The following DDX31 variants were observed in gnomAD, a reference collection of about 807,000 sequenced individuals.
The protein encoded by DDX31 is ATP-dependent DNA helicase DDX31.
In DDX31, 70 loss-of-function variants were observed where a neutral mutation model predicts 91.3. The observed-to-expected ratio is 0.77, with a 90% CI of 0.63 to 0.94. DDX31 has a LOEUF of 0.94. Among genes scored for constraint, DDX31 ranks in the 40% least tolerant of loss-of-function variants. The pLI is 0.00. For missense variants in DDX31, 902 were observed against 925.0 expected (o/e 0.98, Z 0.32); for synonymous variants, 362 against 350.6 (o/e 1.03, Z -0.36).
chr9:132,612,443 A>C, intron 18 of DDX31, 188 bp from the exon 19 acceptor site: 1 of 629,852 alleles, frequency 1.6e-6, no homozygotes, highest in East Asian at 3.0e-5. Flanking sequence ...TAAACAACAA[A>C]AAGAAAAAAA....
intron 17 of DDX31, among the ~76,000 whole-genome samples, chr9:132,625,087 T>G (rs1274887917): frequency 6.6e-6 from 1 of 152,086 alleles, no homozygotes; most frequent in Non-Finnish European, 1.5e-5. Context: ...TCTAGTCGGG[T>G]GCAGCCTTAA....
At chr9:132,625,804 T>C (rs910316945) in intron 16 of DDX31, 59 bp from the exon 17 acceptor site, 2 of 1,344,728 alleles carry the variant, frequency 1.5e-6, no homozygotes, top group African/African-American at 1.5e-5. Context: ...ACCCAAGACC[T>C]TGATGCACAA....
intron 17 of DDX31, among the ~76,000 whole-genome samples, chr9:132,619,507 T>G (rs1459233374): frequency 6.6e-6 from 1 of 152,198 alleles, no homozygotes; most frequent in Non-Finnish European, 1.5e-5. Flanking sequence ...CTTTCACCTT[T>G]AAGGCTGACA....
At chr9:132,619,649 GACAGTCTCGCTGATTTCACAGTTCAAT>G (rs1831882538) in intron 17 of DDX31, among the ~76,000 whole-genome samples, 1 of 152,192 alleles carries the variant, frequency 6.6e-6, no homozygotes, top group Admixed American at 6.5e-5. Flanking sequence ...TTTGGTTGAT[GACAGTCTCGCTGATTTCACAGTTCAAT>G]ACAAGGTCCC....
intron 19 of DDX31, among the ~76,000 whole-genome samples, chr9:132,601,187 A>G (rs1830701568): frequency 6.6e-6 from 1 of 152,176 alleles, no homozygotes; most frequent in South Asian, 2.1e-4. Flanking sequence ...AGGCATGTCT[A>G]CCACATCTGC....
At position 132,648,244 on chromosome 9, in the gene DDX31, T is replaced by G; in HGVS notation, c.912A>C (p.Val304=). 6.2e-7 allele frequency: 1 copy of G among 1,614,124 alleles called. No homozygotes were observed. Among genetic ancestry groups the G allele is most frequent in the Non-Finnish European group, 8.5e-7 (1 of 1,180,024 alleles). ...TCTGTCGTTTTTGGCATTCAGCATT[T>G]ACAGCATTAAGTATCACTGTGATGT... ...EKDITVILNA[V]NAECQKRQNV... The change falls in exon 11 of 20, where the codon GTA becomes GTC. Residue 304 remains valine (V), a synonymous_variant. Coordinates refer to ENST00000372159, the MANE Select transcript of DDX31 (RefSeq NM_022779.9).
intron 17 of DDX31, among the ~76,000 whole-genome samples, chr9:132,624,076 A>G (rs1175049777): frequency 1.3e-5 from 2 of 151,020 alleles, no homozygotes; most frequent in African/African-American, 4.9e-5. Context: ...CTGAGGCAGA[A>G]GAATCACTCG....
At chr9:132,646,776 C>T in intron 12 of DDX31, 47 bp downstream of exon 12, 1 of 1,572,092 alleles carries the variant, frequency 6.4e-7, no homozygotes, top group South Asian at 1.1e-5. Context: ...CACAAGAAAG[C>T]AGGCCTTTCT....
At chr9:132,604,299 C>T (rs1455104183) in intron 19 of DDX31, among the ~76,000 whole-genome samples, 8 of 152,148 alleles carry the variant, frequency 5.3e-5, no homozygotes, top group African/African-American at 9.7e-5. Context: ...AGTAGTGCTC[C>T]GATCTCTTGC....
intron 14 of DDX31, among the ~76,000 whole-genome samples, chr9:132,637,271 T>C (rs1833180324): frequency 6.6e-6 from 1 of 152,162 alleles, no homozygotes; most frequent in Admixed American, 6.5e-5. Flanking sequence ...AGGATTCTGT[T>C]CTGTCTGCTC....
chr9:132,659,833 CAG>C, intron 4 of DDX31, 53 bp from the exon 5 acceptor site: 1 of 1,563,586 alleles, frequency 6.4e-7, no homozygotes. Flanking sequence ...CAGTTACTGG[CAG>C]AGACGCAGGA....
At chr9:132,653,068 A>G (rs756837785) in intron 6 of DDX31, among the ~76,000 whole-genome samples, 15 of 152,156 alleles carry the variant, frequency 9.9e-5, no homozygotes, top group Non-Finnish European at 1.8e-4. Context: ...GTATAAAATT[A>G]GAAAATAGGA....
chr9:132,639,787 C>A (rs1230766465), intron 14 of DDX31, among the ~76,000 whole-genome samples: 3 of 152,160 alleles, frequency 2.0e-5, no homozygotes, highest in Admixed American at 1.3e-4. Context: ...AGGGATAAAT[C>A]CAGCATGTTA....
At chr9:132,632,498 C>T (rs1169927200) in intron 14 of DDX31, among the ~76,000 whole-genome samples, 1 of 152,108 alleles carries the variant, frequency 6.6e-6, no homozygotes, top group Non-Finnish European at 1.5e-5. Flanking sequence ...ACTCTTCTAG[C>T]ATGTTTTATT....
chr9:132,608,174 C>G (rs549459138), intron 19 of DDX31, among the ~76,000 whole-genome samples: 69 of 152,224 alleles, frequency 4.5e-4, no homozygotes, highest in Admixed American at 1.8e-3. Flanking sequence ...TGCTAAGGGG[C>G]CATTCAATAT....
chr9:132,629,499 T>C (rs1237813253), intron 16 of DDX31, among the ~76,000 whole-genome samples: 1 of 152,234 alleles, frequency 6.6e-6, no homozygotes, highest in Non-Finnish European at 1.5e-5. Flanking sequence ...CTCCTGCAAC[T>C]GAGTGGGCTG....
intron 14 of DDX31, chr9:132,638,466 A>G (rs1216062885): frequency 6.6e-6 from 10 of 1,516,630 alleles, no homozygotes; most frequent in Admixed American, 1.7e-5. Flanking sequence ...TGAACTTCCA[A>G]TGACTCCTTC....
intron 16 of DDX31, among the ~76,000 whole-genome samples, chr9:132,626,609 TAAG>T (rs935411167): frequency 6.6e-6 from 1 of 150,464 alleles, no homozygotes; most frequent in Admixed American, 6.6e-5. Flanking sequence ...AAACAGATCA[TAAG>T]AAGACAAATG....
At chr9:132,647,125 C>T (rs1833891841) in intron 11 of DDX31, 67 bp from the exon 12 acceptor site, 30 of 1,434,038 alleles carry the variant, frequency 2.1e-5, no homozygotes, top group Non-Finnish European at 2.6e-5. Context: ...CAAAAGCGTA[C>T]CCCCATACAG....
Sources: gnomAD v4.1 joint callset for allele counts (sites outside exome capture counted in the v4.1 genomes callset) on GRCh38, gnomAD v4.1.1 for gene constraint, MANE v1.5 for transcripts, NCBI Gene and HGNC (gene_info 2026-07-23, HGNC 2026-07-21) for gene names.